NCKAP1L: variants seen among roughly 807,000 people sequenced by gnomAD.
NCKAP1L encodes nck-associated protein 1-like.
NCKAP1L carries 53 observed loss-of-function variants against 139.2 expected under a neutral mutation model. The ratio of observed to expected loss-of-function variants is 0.38; its 90% CI spans 0.31 to 0.48. The LOEUF (loss-of-function observed/expected upper bound fraction) is 0.48. NCKAP1L is among the 20% of genes least tolerant of loss of function. NCKAP1L has a pLI of 0.98. For synonymous variants in NCKAP1L, 468 were observed against 499.7 expected (o/e 0.94, Z 0.85); for missense variants, 1,151 against 1,381.9 (o/e 0.83, Z 2.65).
chr12:54,500,661 G>A, intron 3 of NCKAP1L, 36 bp downstream of exon 3: 4 of 1,278,286 alleles, frequency 3.1e-6, no homozygotes, highest in Non-Finnish European at 4.6e-6. Context: ...TGTAGGCAAG[G>A]TCTTTCAGAG....
intron 3 of NCKAP1L, 100 bp downstream of exon 3, chr12:54,500,725 AT>A: frequency 6.4e-6 from 5 of 778,812 alleles, no homozygotes. Flanking sequence ...TCTTGAAAAA[AT>A]GAGAGAGATG....
At chr12:54,537,987 C>T (rs371249326) in intron 29 of NCKAP1L, among the ~76,000 whole-genome samples, 1 of 152,110 alleles carries the variant, frequency 6.6e-6, no homozygotes, top group African/African-American at 2.4e-5. Flanking sequence ...CTAAATCCTC[C>T]ATGGAGGAAT....
intron 3 of NCKAP1L, among the ~76,000 whole-genome samples, chr12:54,506,160 T>C (rs1366848774): frequency 6.6e-6 from 1 of 152,192 alleles, no homozygotes; most frequent in Non-Finnish European, 1.5e-5. Flanking sequence ...TGCTGAATCA[T>C]ATGGTAAGAG....
At chr12:54,508,131 A>T (rs1956857783) in intron 4 of NCKAP1L, among the ~76,000 whole-genome samples, 1 of 152,232 alleles carries the variant, frequency 6.6e-6, no homozygotes, top group South Asian at 2.1e-4. Context: ...ATTAATTAAA[A>T]AATTACATAA....
intron 3 of NCKAP1L, among the ~76,000 whole-genome samples, chr12:54,506,600 TTATTTTTA>T (rs1035498996): frequency 6.8e-6 from 1 of 147,658 alleles, no homozygotes; most frequent in African/African-American, 2.5e-5. Context: ...CTAATTTTTT[TTATTTTTA>T]TTTTTAGTAG....
At chr12:54,500,312 C>T (rs934788653) in intron 2 of NCKAP1L, among the ~76,000 whole-genome samples, 9 of 151,966 alleles carry the variant, frequency 5.9e-5, no homozygotes, top group South Asian at 2.1e-4. Context: ...TTAATAGAGA[C>T]GGGGTTTCAC....
intron 18 of NCKAP1L, 143 bp from the exon 19 acceptor site, chr12:54,523,250 AG>A (rs1957000003): frequency 4.3e-6 from 4 of 927,208 alleles, no homozygotes; most frequent in Non-Finnish European, 4.9e-6. Flanking sequence ...CCCCCATTAA[AG>A]AAAGAGGTGT....
In NCKAP1L at chr12:54,497,811, C is replaced by T. The variant is rs1053496457; in HGVS notation, c.22C>T (p.Gln8Ter). 1.2e-6 allele frequency: 2 copies of T among 1,612,784 alleles called. No homozygotes were observed. Among genetic ancestry groups the T allele is most frequent in the Non-Finnish European group, 8.5e-7 (1 of 1,178,908 alleles). MSLTSAY[Q>*]HKLAEKLTIL... ...CATCATGTCTTTGACATCTGCTTAC[C>T]AGCATAAATTAGCAGAGAAGCTCAC... The change falls in exon 1 of 31, where the codon CAG becomes TAG. Residue 8 changes from glutamine (Q) to a stop codon, truncating the protein, a stop_gained. Transcript: ENST00000293373. LOFTEE classifies it high-confidence loss of function.
chr12:54,536,255 G>A lies in NCKAP1L; in HGVS notation c.3073+10G>A, dbSNP rs1447034043. On this transcript the variant is annotated intron_variant, in intron 28 of 30. Transcript: ENST00000293373. ...AGCATTGAGAAGGATGGTAAGTAAG[G>A]GGTAGGTTTGAGACACCAGTGCTAT... The A allele has an allele frequency of 6.3e-7, 1 of 1,584,224 alleles. No homozygotes were observed. The highest frequency in any genetic ancestry group is 8.7e-7 in the Non-Finnish European group (1 of 1,154,174).
chr12:54,528,201 A>T, intron 21 of NCKAP1L, 46 bp from the exon 22 acceptor site: 4 of 1,600,300 alleles, frequency 2.5e-6, no homozygotes, highest in Non-Finnish European at 3.4e-6. Context: ...GCTGGTAGGG[A>T]GAAGGGATTG....
intron 29 of NCKAP1L, 24 bp downstream of exon 29, chr12:54,537,077 A>G (rs542542310): frequency 6.7e-7 from 1 of 1,482,608 alleles, no homozygotes. Context: ...GGTTATAAAG[A>G]ATGGAAGATT....
intron 4 of NCKAP1L, 116 bp from the exon 5 acceptor site, chr12:54,508,273 C>G (rs1956858642): frequency 9.0e-7 from 1 of 1,111,040 alleles, no homozygotes. Context: ...TCAGTTCCTA[C>G]TTCTAAATAG....
chr12:54,508,244 A>T, intron 4 of NCKAP1L, 145 bp from the exon 5 acceptor site: 1 of 914,802 alleles, frequency 1.1e-6, no homozygotes, highest in South Asian at 1.7e-5. Context: ...CAATTTTCTT[A>T]TTCTTCTTTT....
intron 22 of NCKAP1L, 75 bp downstream of exon 22, chr12:54,528,452 C>G: frequency 6.5e-7 from 1 of 1,536,556 alleles, no homozygotes; most frequent in Non-Finnish European, 8.8e-7. Context: ...AAGACTAGGA[C>G]ATGTATTTAG....
At chr12:54,509,188 T>C (rs74455073) in intron 5 of NCKAP1L, among the ~76,000 whole-genome samples, 6,213 of 152,244 alleles carry the variant, frequency 0.041, 256 homozygotes, top group South Asian at 0.2. Context: ...CAAATGTAAG[T>C]ATTTAAGGGC....
intron 23 of NCKAP1L, 23 bp from the exon 24 acceptor site, chr12:54,531,468 G>A (rs1164113036): frequency 3.1e-6 from 5 of 1,613,064 alleles, no homozygotes; most frequent in East Asian, 4.5e-5. Context: ...CCTGCTTAAT[G>A]TCTCTGTGTT....
At chr12:54,534,851 G>A (rs1222401416) in intron 26 of NCKAP1L, among the ~76,000 whole-genome samples, 5 of 152,250 alleles carry the variant, frequency 3.3e-5, no homozygotes, top group South Asian at 2.1e-4. Context: ...TAAAATCTAC[G>A]ATTAGCTGGA....
intron 20 of NCKAP1L, among the ~76,000 whole-genome samples, chr12:54,525,107 AG>A (rs540335046): frequency 2.6e-4 from 40 of 152,276 alleles, no homozygotes; most frequent in African/African-American, 9.6e-4. Context: ...AAGGTGAGGG[AG>A]GTCAGAAAAG....
intron 7 of NCKAP1L, 93 bp downstream of exon 7, chr12:54,510,078 T>C: frequency 6.8e-7 from 1 of 1,460,544 alleles, no homozygotes; most frequent in Non-Finnish European, 9.3e-7. Context: ...ATATCAGTAC[T>C]AAAGAATGCT....
Sources: allele counts gnomAD v4.1 joint callset (sites outside exome capture counted in the v4.1 genomes callset), GRCh38; gene constraint gnomAD v4.1.1; transcripts MANE v1.5; gene names NCBI Gene and HGNC (gene_info 2026-07-23, HGNC 2026-07-21).